Variants in SRPRB observed in about 807,000 individuals in gnomAD.
SRPRB encodes the protein signal recognition particle receptor subunit beta.
Under a neutral mutation model 31.9 loss-of-function variants are expected in SRPRB, and 20 were observed. The ratio of observed to expected loss-of-function variants is 0.63; its 90% CI spans 0.44 to 0.91. The LOEUF is 0.91. Among genes scored for constraint, SRPRB ranks in the 40% least tolerant of loss-of-function variants. The pLI is 0.00. For synonymous variants in SRPRB, 146 were observed against 132.8 expected (o/e 1.10, Z -0.68); for missense variants, 321 against 324.9 (o/e 0.99, Z 0.09).
At chr3:133,827,938 C>A, downstream of SRPRB, 1 of 702,976 alleles carries the variant, frequency 1.4e-6, no homozygotes, top group Non-Finnish European at 2.6e-6. Flanking sequence ...ACACATGGCA[C>A]CCCAGTCTAT....
chr3:133,802,744 CA>C (rs1163679865), upstream of SRPRB, among the ~76,000 whole-genome samples: 8 of 152,154 alleles, frequency 5.3e-5, no homozygotes, highest in African/African-American at 1.7e-4. Context: ...TCCTGACTCC[CA>C]AATGAAAATC....
At chr3:133,811,232 A>G in intron 4 of SRPRB, 33 bp downstream of exon 4, 1 of 1,604,532 alleles carries the variant, frequency 6.2e-7, no homozygotes, top group Non-Finnish European at 8.5e-7. Flanking sequence ...GGGCTTGTCT[A>G]GGTCTGTATC....
chr3:133,810,432 C>G (rs1935238999), intron 3 of SRPRB: 1 of 152,182 alleles, frequency 6.6e-6, no homozygotes. Context: ...ATTCACCATT[C>G]CAGGCCTTGA....
Position 133,820,883 on chromosome 3 carries a change from AT to A in SRPRB, c.*1119del, listed in dbSNP as rs1037550817. 1.3e-5 allele frequency: 2 copies of A among 152,262 alleles called. No homozygotes were observed. Among genetic ancestry groups the A allele is most frequent in the African/African-American group, 4.8e-5 (2 of 41,422 alleles). The allele number at this position is 152,262 out of a possible 1,614,324, so 9.4% of individuals were successfully genotyped here. Reference sequence around the variant, plus strand: ...GCAACATACACAAGAACACACTCCTATTCCTACCCCACACACTCAGGGACAA... The same window carrying A: ...GCAACATACACAAGAACACACTCCTATCCTACCCCACACACTCAGGGACAA... On this transcript the variant is annotated 3_prime_UTR_variant, in exon 7 of 7. Transcript: ENST00000678299.
chr3:133,806,537 C>T, intron 1 of SRPRB, 72 bp from the exon 2 acceptor site: 1 of 1,159,958 alleles, frequency 8.6e-7, no homozygotes, highest in Non-Finnish European at 1.3e-6. Flanking sequence ...TGTGAATTTC[C>T]CCACCCCAGC....
chr3:133,818,597 A>C (rs749583270), intron 6 of SRPRB, among the ~76,000 whole-genome samples: 58 of 152,288 alleles, frequency 3.8e-4, no homozygotes, highest in South Asian at 1.2e-3. Flanking sequence ...TTTCCTTAAA[A>C]AATTTTTATT....
At position 133,820,879 on chromosome 3, in the gene SRPRB, T is replaced by G. The variant is rs1487916527; in HGVS notation, c.*1113T>G. 6.6e-6 allele frequency: 1 copy of G among 152,200 alleles called. No homozygotes were observed. The highest frequency in any genetic ancestry group is 1.5e-5 in the Non-Finnish European group (1 of 68,106). 9.4% of individuals were successfully genotyped at this position (152,200 alleles called of 1,614,324 possible). A position where few individuals can be genotyped will look rare whatever the true frequency, so the allele number is the denominator to read the frequency against. On this transcript the variant is annotated 3_prime_UTR_variant, in exon 7 of 7. Coordinates refer to ENST00000678299, the MANE Select transcript of SRPRB (RefSeq NM_001379313.1). ...GATTGCAACATACACAAGAACACAC[T>G]CCTATTCCTACCCCACACACTCAGG... is the stretch of plus-strand genomic sequence containing the variant.
At chr3:133,819,481 G>A in intron 6 of SRPRB, 72 bp from the exon 7 acceptor site, 3 of 1,425,878 alleles carry the variant, frequency 2.1e-6, no homozygotes, top group Middle Eastern at 1.8e-4. Flanking sequence ...GTGCTGAAAT[G>A]TTTAGAAACT....
intron 3 of SRPRB, chr3:133,810,883 TG>T (rs1312939130): frequency 4.8e-6 from 2 of 414,852 alleles, no homozygotes; most frequent in Non-Finnish European, 8.7e-6. Context: ...TATATTTATG[TG>T]TAATTTTACA....
At chr3:133,786,668 G>T (rs138953435) in intron 1 of SRPRB, 2 of 152,192 alleles carry the variant, frequency 1.3e-5, no homozygotes, top group African/African-American at 4.8e-5. Flanking sequence ...AGATTCCCAG[G>T]AAAGACAGTC....
At chr3:133,823,909 T>C (rs534263878), downstream of SRPRB, among the ~76,000 whole-genome samples, 93 of 152,288 alleles carry the variant, frequency 6.1e-4, no homozygotes, top group Non-Finnish European at 7.4e-5. Context: ...CCCCTAGCCA[T>C]GGCAAGCAGA....
Position 133,816,764 on chromosome 3 carries a change from TAA to T in SRPRB, c.548-108_548-107del, listed in dbSNP as rs1935373460. 3.9e-6 allele frequency: 3 copies of T among 760,890 alleles called. No individual in the cohort carries two copies. The African/African-American group carries it at 5.4e-5, about 14-fold the overall frequency. The allele number at this position is 760,890 out of a possible 1,614,324, so 47.1% of individuals were successfully genotyped here. On this transcript the variant is annotated intron_variant, in intron 5 of 6. Coordinates refer to ENST00000678299, the MANE Select transcript of SRPRB (RefSeq NM_001379313.1). ...GAACTAGTGATAAAAGGTCTTTTTT[TAA>T]AAAAAGAGAAAAACTTACTGGTTTA...
downstream of SRPRB, chr3:133,828,071 G>C (rs892323388): frequency 4.4e-6 from 3 of 681,598 alleles, no homozygotes; most frequent in African/African-American, 5.3e-5. Flanking sequence ...CCCCTTCAAG[G>C]CTTTTCAGGG....
At chr3:133,806,566 C>G (rs1935164533) in intron 1 of SRPRB, 43 bp from the exon 2 acceptor site, 1 of 1,528,536 alleles carries the variant, frequency 6.5e-7, no homozygotes, top group Non-Finnish European at 9.1e-7. Context: ...TATACTGATT[C>G]CCAAGGCGTA....
chr3:133,820,082 G>A lies in SRPRB; in HGVS notation c.*316G>A, dbSNP rs1935444450. On this transcript the variant is annotated 3_prime_UTR_variant, in exon 7 of 7. Transcript: ENST00000678299. ...ACTCCACACAGAGAGGATATGATGAGAATATGGCCATCACCTGAAAAGTTT... is the reference window on the plus strand; with the variant it reads ...ACTCCACACAGAGAGGATATGATGAAAATATGGCCATCACCTGAAAAGTTT... 1 of 269,024 alleles carries A rather than the reference G, an allele frequency of 3.7e-6. No individual in the cohort carries two copies. Among genetic ancestry groups the A allele is most frequent in the African/African-American group, 2.2e-5 (1 of 46,002 alleles). The allele number at this position is 269,024 out of a possible 1,614,324, so 16.7% of individuals were successfully genotyped here.
At chr3:133,800,101 C>T (rs1214504838) in intron 1 of SRPRB, among the ~76,000 whole-genome samples, 1 of 152,190 alleles carries the variant, frequency 6.6e-6, no homozygotes, top group Non-Finnish European at 1.5e-5. Flanking sequence ...GGGCTGTAAT[C>T]TGGCCTGGCC....
rs1276265668 is a variant in SRPRB at position 133,811,163 on chromosome 3, G to A, written c.374G>A (p.Arg125Lys). The change falls in exon 4 of 7, where the codon AGG (arginine) becomes AAG (lysine). Residue 125 changes from arginine (R) to lysine (K), a missense_variant. Coordinates refer to ENST00000678299, the MANE Select transcript of SRPRB (RefSeq NM_001379313.1). Reference protein sequence around the residue: ...LIDLPGHESLRLQFLERFKSS... With the variant: ...LIDLPGHESLKLQFLERFKSS... ...GACCTTCCCGGCCATGAGAGTTTGA[G>A]GCTTCAGTTCTTAGAGCGGTTTAAG... 1 of 1,614,176 alleles carries A rather than the reference G, an allele frequency of 6.2e-7. No homozygotes were observed. The highest frequency in any genetic ancestry group is 1.1e-5 in the South Asian group (1 of 91,076).
chr3:133,791,642 G>C (rs961728969), intron 1 of SRPRB: 2 of 152,204 alleles, frequency 1.3e-5, no homozygotes, highest in African/African-American at 4.8e-5. Flanking sequence ...GGGTACCTTA[G>C]AATAAAATGT....
At chr3:133,828,111 C>T (rs903768559), downstream of SRPRB, 13 of 637,818 alleles carry the variant, frequency 2.0e-5, no homozygotes, top group African/African-American at 2.0e-4. Flanking sequence ...AGCAGTTCCT[C>T]TGGGGGCTGC....
Sources: allele counts gnomAD v4.1 joint callset (sites outside exome capture counted in the v4.1 genomes callset), GRCh38; gene constraint gnomAD v4.1.1; transcripts MANE v1.5; gene names NCBI Gene and HGNC (gene_info 2026-07-23, HGNC 2026-07-21).